The following SLMAP variants were observed in gnomAD, a reference collection of about 807,000 sequenced individuals.
SLMAP encodes the protein sarcolemmal membrane-associated protein.
A neutral mutation model predicts 128.8 loss-of-function variants in SLMAP; 44 were observed. That is an observed-to-expected ratio of 0.34 (90% confidence interval 0.27 to 0.44). The LOEUF is 0.44. Ranked by LOEUF, SLMAP falls within the 20% of genes least tolerant of loss-of-function variation. The pLI, the probability that SLMAP is intolerant of heterozygous loss-of-function variation, is 1.00. For missense variants in SLMAP, 787 were observed against 985.3 expected (o/e 0.80, Z 2.69); for synonymous variants, 327 against 348.8 (o/e 0.94, Z 0.70).
intron 19 of SLMAP, among the ~76,000 whole-genome samples, chr3:57,911,089 A>G (rs1311172672): frequency 6.6e-6 from 1 of 152,096 alleles, no homozygotes; most frequent in African/African-American, 2.4e-5. Flanking sequence ...TTGGATCTCT[A>G]TTTTCATCGT....
chr3:57,763,250 C>T (rs867481385), intron 2 of SLMAP, among the ~76,000 whole-genome samples: 4 of 151,058 alleles, frequency 2.6e-5, no homozygotes, highest in African/African-American at 9.7e-5. Flanking sequence ...TACTTCTAGT[C>T]TCACGTTTAA....
intron 2 of SLMAP, among the ~76,000 whole-genome samples, chr3:57,823,677 C>T (rs567469796): frequency 4.7e-4 from 72 of 152,276 alleles, no homozygotes; most frequent in Non-Finnish European, 1.3e-4. Context: ...CCGCAGTAAA[C>T]ATACGTGTGC....
chr3:57,798,220 A>T (rs1176152877), intron 2 of SLMAP, among the ~76,000 whole-genome samples: 2 of 152,084 alleles, frequency 1.3e-5, no homozygotes, highest in Non-Finnish European at 2.9e-5. Context: ...AAGTTTAACT[A>T]ATTTTTTATT....
At chr3:57,848,254 C>T (rs1473317270) in intron 5 of SLMAP, among the ~76,000 whole-genome samples, 1 of 149,200 alleles carries the variant, frequency 6.7e-6, no homozygotes, top group Admixed American at 6.7e-5. Flanking sequence ...TCCTTCTTCT[C>T]CTCCTCCTCC....
intron 14 of SLMAP, among the ~76,000 whole-genome samples, chr3:57,877,870 C>T (rs1227409726): frequency 6.9e-6 from 1 of 144,820 alleles, no homozygotes; most frequent in Non-Finnish European, 1.5e-5. Flanking sequence ...AGTCTCGCTC[C>T]GTTGCCCAGG....
intron 3 of SLMAP, among the ~76,000 whole-genome samples, chr3:57,836,503 T>A (rs2093649322): frequency 6.6e-6 from 1 of 152,194 alleles, no homozygotes; most frequent in African/African-American, 2.4e-5. Flanking sequence ...ATCTGTTTTT[T>A]AAATTTTTTT....
chr3:57,846,739 A>G (rs560373884), intron 4 of SLMAP, among the ~76,000 whole-genome samples: 1 of 151,968 alleles, frequency 6.6e-6, no homozygotes, highest in East Asian at 1.9e-4. Context: ...TTATATTTTT[A>G]GTAGAGACAG....
chr3:57,924,186 A>C (rs1367063133), intron 23 of SLMAP, among the ~76,000 whole-genome samples: 2 of 152,084 alleles, frequency 1.3e-5, no homozygotes, highest in Admixed American at 6.6e-5. Context: ...CTTTGCTATT[A>C]TTATTTATAG....
chr3:57,858,829 C>T (rs1441413315), intron 8 of SLMAP, among the ~76,000 whole-genome samples: 1 of 152,160 alleles, frequency 6.6e-6, no homozygotes. Flanking sequence ...GTAATCCCAG[C>T]TACTCAGAAG....
intron 2 of SLMAP, among the ~76,000 whole-genome samples, chr3:57,781,729 A>ATTTTTTTTTTT (rs748021832): frequency 2.7e-5 from 3 of 109,154 alleles, no homozygotes; most frequent in Non-Finnish European, 5.3e-5. Context: ...ATATTGACTG[A>ATTTTTTTTTTT]TTTTTTTTTT....
intron 2 of SLMAP, among the ~76,000 whole-genome samples, chr3:57,828,305 G>A (rs1447719323): frequency 6.6e-6 from 1 of 152,124 alleles, no homozygotes; most frequent in African/African-American, 2.4e-5. Flanking sequence ...ATAGTAAACA[G>A]AATAACTTCT....
rs1002001060 is a variant in SLMAP, at chr3:57,896,498, T to G, written c.1361-13T>G. ...ACTGTAATAAGATTTTACTTTTATT[T>G]TTTTCTTGGTAGAAAATCAGACAAG... On this transcript the variant is annotated splice_polypyrimidine_tract_variant and intron_variant, in intron 15 of 24. Coordinates refer to ENST00000671191, the MANE Select transcript of SLMAP (RefSeq NM_001377540.1). 6.3e-7 allele frequency: 1 copy of G among 1,588,050 alleles called. No individual in the cohort carries two copies. Among genetic ancestry groups the G allele is most frequent in the Admixed American group, 1.8e-5 (1 of 54,084 alleles).
rs180845909 is a variant in SLMAP, at chr3:57,757,444, C to A, written c.-208C>A. ...ACTTTTTGTGATCACGGCGTTGCAGCGTTTTAAAGGAGGTGATGGGGCTTG... is the reference window on the plus strand; with the variant it reads ...ACTTTTTGTGATCACGGCGTTGCAGAGTTTTAAAGGAGGTGATGGGGCTTG... On this transcript the variant is annotated 5_prime_UTR_variant, in exon 2 of 25. Transcript: ENST00000671191. 839 of 593,008 alleles carry A rather than the reference C, an allele frequency of 1.4e-3. 1 individual carries two copies. The Middle Eastern group carries it at 0.016, about 11-fold the overall frequency. 36.7% of individuals were successfully genotyped at this position (593,008 alleles called of 1,614,324 possible).
intron 2 of SLMAP, among the ~76,000 whole-genome samples, chr3:57,830,120 T>C (rs2093235264): frequency 6.6e-6 from 1 of 152,192 alleles, no homozygotes; most frequent in African/African-American, 2.4e-5. Flanking sequence ...CTGCAACCTC[T>C]GCCTCCCGGG....
chr3:57,762,366 C>T (rs1205856364), intron 2 of SLMAP, among the ~76,000 whole-genome samples: 3 of 145,430 alleles, frequency 2.1e-5, no homozygotes, highest in Non-Finnish European at 4.5e-5. Context: ...GAGACTCTGT[C>T]TCAAAAAAAA....
Position 57,912,697 on chromosome 3 carries a change from G to A in SLMAP, c.2016G>A (p.Leu672=). 1 of 1,605,510 alleles carries A rather than the reference G, an allele frequency of 6.2e-7. No individual in the cohort carries two copies. The change falls in exon 20 of 25, where the codon TTG becomes TTA. Residue 672 remains leucine, a synonymous_variant. Transcript: ENST00000671191. ...AGCAGAGAGAAGAAGCAACAAGGTT[G>A]CAAGGTGAATAAATGTATTTTACAT... The part of the protein sequence containing the change: ...EDQQREEATR[L]QGELEKLRKE...
chr3:57,811,860 C>A (rs1473468456), intron 2 of SLMAP, among the ~76,000 whole-genome samples: 1 of 152,030 alleles, frequency 6.6e-6, no homozygotes, highest in Admixed American at 6.6e-5. Context: ...GCTTATTGGC[C>A]ATCATATATC....
At chr3:57,881,373 A>G (rs2095739295) in intron 14 of SLMAP, among the ~76,000 whole-genome samples, 1 of 152,146 alleles carries the variant, frequency 6.6e-6, no homozygotes, top group Admixed American at 6.5e-5. Context: ...GATTGTATGT[A>G]TTACACTTGT....
intron 15 of SLMAP, among the ~76,000 whole-genome samples, chr3:57,893,994 G>A (rs554900492): frequency 6.6e-6 from 1 of 151,878 alleles, no homozygotes; most frequent in African/African-American, 2.4e-5. Context: ...CACAAATTCT[G>A]GGGGTATTCT....
Sources: allele counts gnomAD v4.1 joint callset (sites outside exome capture counted in the v4.1 genomes callset), GRCh38; gene constraint gnomAD v4.1.1; transcripts MANE v1.5; gene names NCBI Gene and HGNC (gene_info 2026-07-23, HGNC 2026-07-21).